Variants in CD82 observed in about 807,000 individuals in gnomAD.
The protein encoded by CD82 is CD82 antigen.
In CD82, 36 loss-of-function variants were observed where a neutral mutation model predicts 37.4. That is an observed-to-expected ratio of 0.96 (90% CI 0.74 to 1.27). The LOEUF is 1.27. CD82 is among the 50% of genes most tolerant of loss of function. The pLI is 0.00. For missense variants in CD82, 340 were observed against 347.0 expected, an observed-to-expected ratio of 0.98 and a Z score of 0.16; for synonymous variants, 158 against 137.4, an observed-to-expected ratio of 1.15 and a Z score of -1.05.
At chr11:44,579,330 G>T (rs1404000892) in intron 1 of CD82, among the ~76,000 whole-genome samples, 1 of 151,970 alleles carries the variant, frequency 6.6e-6, no homozygotes, top group East Asian at 1.9e-4. Context: ...CTCTGGGGTG[G>T]CCCCAGAGCA....
intron 1 of CD82, among the ~76,000 whole-genome samples, chr11:44,575,883 G>C (rs1000841488): frequency 2.6e-5 from 4 of 152,208 alleles, no homozygotes; most frequent in Admixed American, 6.5e-5. Flanking sequence ...GTGACATGCT[G>C]TGTCTAAGGA....
intron 4 of CD82, among the ~76,000 whole-genome samples, chr11:44,601,303 G>A (rs1251360769): frequency 6.6e-6 from 1 of 152,038 alleles, no homozygotes; most frequent in Non-Finnish European, 1.5e-5. Context: ...GGCCCCAGGG[G>A]CTAGGCCTCC....
chr11:44,596,439 A>G (rs1853228441), intron 3 of CD82, among the ~76,000 whole-genome samples: 1 of 152,248 alleles, frequency 6.6e-6, no homozygotes, highest in African/African-American at 2.4e-5. Context: ...TCAGTGATAA[A>G]GAAACTTTCC....
intron 4 of CD82, chr11:44,604,801 G>A: frequency 1.9e-6 from 1 of 530,436 alleles, no homozygotes. Flanking sequence ...ATCCTGAGAA[G>A]CCTTACGAAG....
chr11:44,587,104 T>C (rs1397437723), intron 1 of CD82: 1 of 286,700 alleles, frequency 3.5e-6, no homozygotes, highest in Admixed American at 4.2e-5. Context: ...GCATGGCCTA[T>C]GTTGATTGTA....
At chr11:44,607,049 C>T (rs1171680686) in intron 6 of CD82, 1 of 152,278 alleles carries the variant, frequency 6.6e-6, no homozygotes, top group East Asian at 1.9e-4. Context: ...AGGGTCCCTG[C>T]TTCCAGTGCC....
At position 44,587,489 on chromosome 11, in the gene CD82, C is replaced by T. The variant is rs760477547; in HGVS notation, c.-88C>T. On this transcript the variant is annotated 5_prime_UTR_variant, in exon 2 of 10. Transcript: ENST00000227155. ...GTGTTTTTCAGAGTCCTCCCTGCTG[C>T]TGTGTGGACGACACGTGGGCACAGG... is the stretch of plus-strand genomic sequence containing the variant. 2.6e-5 allele frequency: 12 copies of T among 456,246 alleles called. No homozygotes were observed. Among genetic ancestry groups the T allele is most frequent in the Non-Finnish European group, 4.4e-5 (10 of 226,980 alleles). The allele number at this position is 456,246 out of a possible 1,614,324, so 28.3% of individuals were successfully genotyped here.
At chr11:44,604,807 C>G (rs1381371927) in intron 4 of CD82, 1 of 542,236 alleles carries the variant, frequency 1.8e-6, no homozygotes, top group Non-Finnish European at 3.3e-6. Context: ...AGAAGCCTTA[C>G]GAAGTAAAAA....
At chr11:44,614,356 G>A (rs1853530359) in intron 6 of CD82, among the ~76,000 whole-genome samples, 1 of 152,246 alleles carries the variant, frequency 6.6e-6, no homozygotes, top group African/African-American at 2.4e-5. Flanking sequence ...TCTCCCTGAA[G>A]CTGCCCTGTG....
intron 6 of CD82, among the ~76,000 whole-genome samples, chr11:44,610,559 G>A (rs577145560): frequency 6.6e-6 from 1 of 152,336 alleles, no homozygotes; most frequent in South Asian, 2.1e-4. Context: ...TGGGACGTGA[G>A]TAGAGCCATG....
intron 1 of CD82, among the ~76,000 whole-genome samples, chr11:44,582,898 T>C (rs1462684145): frequency 6.6e-6 from 1 of 152,248 alleles, no homozygotes. Context: ...CAAATAGGTA[T>C]ACTTCTCAAC....
rs1010303277 is a variant in CD82 at position 44,618,158 on chromosome 11, C to T, written c.439-4C>T. 9 of 1,613,634 alleles carry T rather than the reference C, an allele frequency of 5.6e-6. No homozygotes were observed. In the African/African-American group the frequency reaches 8.0e-5, roughly 14 times the overall value. ...ACAAGCAGTCTGTCCCCTGCCTTGC[C>T]CAGGTGAAGTGCTGCGGCTGGGTCA... On this transcript the variant is annotated splice_region_variant and splice_polypyrimidine_tract_variant and intron_variant, in intron 7 of 9. Transcript: ENST00000227155.
rs1853632416 is a variant in CD82 at position 44,619,699 on chromosome 11, G to C, written c.*573G>C. 6.7e-6 allele frequency: 1 copy of C among 149,446 alleles called. No individual in the cohort carries two copies. Among genetic ancestry groups the C allele is most frequent in the Non-Finnish European group, 1.5e-5 (1 of 67,728 alleles). The allele number at this position is 149,446 out of a possible 1,614,324, so 9.3% of individuals were successfully genotyped here. On this transcript the variant is annotated 3_prime_UTR_variant, in exon 10 of 10. Transcript: ENST00000227155. ...AGAATGGTGTGAACCCGGGAGCGGA[G>C]GTTGCAGTGAGCTGAGATCGTGCTA...
intron 3 of CD82, among the ~76,000 whole-genome samples, chr11:44,598,830 T>G (rs546006382): frequency 6.6e-6 from 1 of 152,148 alleles, no homozygotes; most frequent in African/African-American, 2.4e-5. Flanking sequence ...AACCTGAGAT[T>G]ATGGGATGAT....
intron 1 of CD82, among the ~76,000 whole-genome samples, chr11:44,570,514 G>A (rs1852799163): frequency 6.6e-6 from 1 of 152,216 alleles, no homozygotes; most frequent in Non-Finnish European, 1.5e-5. Flanking sequence ...GTGAGGCCGG[G>A]GGTATCAGCA....
chr11:44,581,704 C>T (rs372965731), intron 1 of CD82, among the ~76,000 whole-genome samples: 47 of 152,280 alleles, frequency 3.1e-4, no homozygotes, highest in African/African-American at 1.0e-3. Flanking sequence ...AGAAACTGAG[C>T]GCAGAAGGGC....
At position 44,619,083 on chromosome 11, in the gene CD82, G is replaced by T; in HGVS notation, c.761G>T (p.Arg254Leu). The stretch of plus-strand genomic sequence containing the variant: ...ATGGTCCTGTCCATCTGCTTGTGCC[G>T]GCACGTCCATTCCGAAGACTACAGC... ...LGMVLSICLC[R>L]HVHSEDYSKV... Residue 254 changes from arginine to leucine, a missense_variant, in exon 10 of 10, where the codon CGG becomes CTG. Coordinates refer to ENST00000227155, the MANE Select transcript of CD82 (RefSeq NM_002231.4). The T allele has an allele frequency of 6.2e-7, 1 of 1,613,302 alleles. No individual in the cohort carries two copies. Among genetic ancestry groups the T allele is most frequent in the Non-Finnish European group, 8.5e-7 (1 of 1,179,804 alleles).
At chr11:44,609,008 G>GAA (rs1167874658) in intron 6 of CD82, among the ~76,000 whole-genome samples, 1 of 152,250 alleles carries the variant, frequency 6.6e-6, no homozygotes, top group Non-Finnish European at 1.5e-5. Flanking sequence ...ACTTCATGAA[G>GAA]GCCTGGTAAG....
chr11:44,574,945 A>G (rs1852868689), intron 1 of CD82, among the ~76,000 whole-genome samples: 1 of 152,214 alleles, frequency 6.6e-6, no homozygotes, highest in Non-Finnish European at 1.5e-5. Context: ...ACATTGCTAT[A>G]ATGATCGCCT....
Sources: allele counts gnomAD v4.1 joint callset (sites outside exome capture counted in the v4.1 genomes callset), GRCh38; gene constraint gnomAD v4.1.1; transcripts MANE v1.5; gene names NCBI Gene and HGNC (gene_info 2026-07-23, HGNC 2026-07-21).